IL1RAPL1: variants seen among roughly 807,000 people sequenced by gnomAD.
The protein encoded by IL1RAPL1 is interleukin-1 receptor accessory protein-like 1.
Under a neutral mutation model 48.4 loss-of-function variants are expected in IL1RAPL1, and 3 were observed. The observed-to-expected ratio is 0.06, with a 90% CI of 0.03 to 0.16. The LOEUF (loss-of-function observed/expected upper bound fraction) is 0.16, where lower values mean the gene tolerates loss of function less well. Among genes scored for constraint, IL1RAPL1 ranks in the 10% least tolerant of loss-of-function variants. The probability of loss-of-function intolerance (pLI) is 1.00; values close to 1 mark genes in which losing one functional copy is unlikely to be tolerated. For missense variants in IL1RAPL1, 349 were observed against 530.6 expected (o/e 0.66, Z 3.36); for synonymous variants, 185 against 187.7 (o/e 0.99, Z 0.12).
chrX:29,431,844 T>C (rs1324213785), intron 5 of IL1RAPL1, among the ~76,000 whole-genome samples: 1 of 111,403 alleles, frequency 9.0e-6, no homozygotes, highest in Non-Finnish European at 1.9e-5. Flanking sequence ...TTATCATTAG[T>C]GGGAATTAGA....
intron 2 of IL1RAPL1, among the ~76,000 whole-genome samples, chrX:29,054,213 A>G (rs979349876): frequency 1.8e-5 from 2 of 110,991 alleles, no homozygotes; most frequent in Admixed American, 9.6e-5. Context: ...TACACCAGCT[A>G]TACCACCCAC....
intron 2 of IL1RAPL1, among the ~76,000 whole-genome samples, chrX:29,081,025 T>TCTCTCTCTCTCTCTC (rs56240244): frequency 9.0e-5 from 4 of 44,585 alleles, no homozygotes; most frequent in Admixed American, 3.4e-4. Flanking sequence ...TCTCTCTTTC[T>TCTCTCTCTCTCTCTC]TTTCTTTTCT....
chrX:29,950,598 C>G (rs1240556792), intron 9 of IL1RAPL1, among the ~76,000 whole-genome samples: 1 of 111,342 alleles, frequency 9.0e-6, no homozygotes, highest in African/African-American at 3.3e-5. Flanking sequence ...GGGCTCAGCC[C>G]TCCAAATGAT....
At chrX:28,614,887 T>G (rs1169308512) in intron 1 of IL1RAPL1, among the ~76,000 whole-genome samples, 2 of 110,644 alleles carry the variant, frequency 1.8e-5, no homozygotes, top group Admixed American at 1.9e-4. Context: ...GTCGTCTGTT[T>G]TTGTTTTTTG....
chrX:29,288,947 G>A (rs758808902), intron 3 of IL1RAPL1, among the ~76,000 whole-genome samples: 9 of 112,081 alleles, frequency 8.0e-5, no homozygotes, highest in Non-Finnish European at 1.3e-4. Flanking sequence ...TTTGTTGGCC[G>A]CTTAAATGTC....
At chrX:28,611,398 C>A (rs1934145708) in intron 1 of IL1RAPL1, among the ~76,000 whole-genome samples, 1 of 111,388 alleles carries the variant, frequency 9.0e-6, no homozygotes, top group African/African-American at 3.3e-5. Flanking sequence ...TAATCTCTTG[C>A]CCGAGGGAGT....
intron 1 of IL1RAPL1, among the ~76,000 whole-genome samples, chrX:28,622,449 A>T (rs778495985): frequency 3.7e-4 from 41 of 111,909 alleles, no homozygotes; most frequent in African/African-American, 4.5e-4. Context: ...TTGTTTTTTT[A>T]AAAAAAGAAG....
At chrX:29,361,994 G>A (rs1369102153) in intron 3 of IL1RAPL1, among the ~76,000 whole-genome samples, 3 of 111,984 alleles carry the variant, frequency 2.7e-5, no homozygotes, top group Non-Finnish European at 5.6e-5. Context: ...GCTGAAATGA[G>A]GGCAAGTGAT....
At chrX:28,672,035 T>C (rs1934951389) in intron 1 of IL1RAPL1, among the ~76,000 whole-genome samples, 1 of 112,580 alleles carries the variant, frequency 8.9e-6, no homozygotes, top group Admixed American at 9.4e-5. Context: ...CTGCACAGAA[T>C]ATAATCTCTA....
intron 1 of IL1RAPL1, among the ~76,000 whole-genome samples, chrX:28,604,719 CAAAAA>C (rs778056286): frequency 1.1e-4 from 3 of 27,976 alleles, no homozygotes; most frequent in Non-Finnish European, 1.4e-4. Context: ...GAGCGAGACT[CAAAAA>C]AAAAAAAAAA....
At chrX:29,572,636 T>C (rs1421535259) in intron 5 of IL1RAPL1, among the ~76,000 whole-genome samples, 1 of 112,744 alleles carries the variant, frequency 8.9e-6, no homozygotes, top group African/African-American at 3.2e-5. Context: ...TGTTTAAAAA[T>C]GGTTCTATGG....
chrX:29,219,268 T>C (rs1001937916), intron 2 of IL1RAPL1, among the ~76,000 whole-genome samples: 15 of 111,810 alleles, frequency 1.3e-4, no homozygotes, highest in African/African-American at 4.9e-4. Flanking sequence ...TACAAATTAA[T>C]GTCATTAAAA....
intron 1 of IL1RAPL1, among the ~76,000 whole-genome samples, chrX:28,641,778 G>C (rs1296883508): frequency 9.0e-6 from 1 of 111,214 alleles, no homozygotes; most frequent in Non-Finnish European, 1.9e-5. Flanking sequence ...GTGTGAGATG[G>C]TACCTCATTG....
intron 6 of IL1RAPL1, among the ~76,000 whole-genome samples, chrX:29,914,405 T>A (rs1932781924): frequency 9.0e-6 from 1 of 111,719 alleles, no homozygotes; most frequent in African/African-American, 3.3e-5. Flanking sequence ...GAATGTCAGA[T>A]TCCTTATTTA....
At chrX:29,023,015 GA>G (rs978812008) in intron 2 of IL1RAPL1, among the ~76,000 whole-genome samples, 1 of 112,211 alleles carries the variant, frequency 8.9e-6, no homozygotes, top group Non-Finnish European at 1.9e-5. Flanking sequence ...GAACCCCACA[GA>G]AGGGTGTTAC....
chrX:28,964,997 C>G (rs1292263620), intron 2 of IL1RAPL1, among the ~76,000 whole-genome samples: 2 of 111,243 alleles, frequency 1.8e-5, no homozygotes, highest in African/African-American at 3.3e-5. Context: ...GTATACTCTC[C>G]ACTTGTGTAG....
At chrX:29,622,024 G>C (rs1046580429) in intron 5 of IL1RAPL1, among the ~76,000 whole-genome samples, 13 of 112,053 alleles carry the variant, frequency 1.2e-4, no homozygotes, top group African/African-American at 2.9e-4. Flanking sequence ...TTGTCTTTCT[G>C]TGCTGGCTTA....
intron 1 of IL1RAPL1, among the ~76,000 whole-genome samples, chrX:28,643,167 G>A (rs1188492669): frequency 9.0e-6 from 1 of 111,638 alleles, no homozygotes; most frequent in Admixed American, 9.5e-5. Flanking sequence ...GGAATTACAG[G>A]TGTGAGCCAC....
intron 2 of IL1RAPL1, among the ~76,000 whole-genome samples, chrX:29,026,818 G>A (rs1489024915): frequency 9.0e-6 from 1 of 111,617 alleles, no homozygotes; most frequent in Non-Finnish European, 1.9e-5. Context: ...AATGTAGGGA[G>A]GGATAAATAG....
Sources: allele counts gnomAD v4.1 joint callset (sites outside exome capture counted in the v4.1 genomes callset), GRCh38; gene constraint gnomAD v4.1.1; transcripts MANE v1.5; gene names NCBI Gene and HGNC (gene_info 2026-07-23, HGNC 2026-07-21).